Variants in ATP2A3 observed in about 807,000 individuals in gnomAD.
The protein encoded by ATP2A3 is ATPase sarcoplasmic/endoplasmic reticulum Ca2+ transporting 3.
In ATP2A3, 61 loss-of-function variants were observed where a neutral mutation model predicts 106.8. The ratio of observed to expected loss-of-function variants is 0.57; its 90% CI spans 0.46 to 0.71. The LOEUF is 0.71. Among genes scored for constraint, ATP2A3 ranks in the 30% least tolerant of loss-of-function variants. The pLI is 0.00. For synonymous variants in ATP2A3, 611 were observed against 609.3 expected, an observed-to-expected ratio of 1.00 and a Z score of -0.04; for missense variants, 1,201 against 1,423.5, an observed-to-expected ratio of 0.84 and a Z score of 2.52.
chr17:3,952,200 T>C (rs149577285), intron 3 of ATP2A3, among the ~76,000 whole-genome samples: 2,033 of 152,220 alleles, frequency 0.013, 51 homozygotes, highest in African/African-American at 0.047. Flanking sequence ...TTCTCATGCC[T>C]CAGCCTCCCG....
Position 3,930,592 on chromosome 17 carries a change from G to T in ATP2A3, c.2611-158C>A. On this transcript the variant is annotated intron_variant, in intron 17 of 20. Transcript: ENST00000397041. The surrounding 1 kb of genome is among the most constrained non-coding windows in gnomAD (Gnocchi z 5.4). ...GGCTGGGGATCCCGGGAGGGGTGCG[G>T]GGTCGGGGCGGCGGTGGGGAGAGCT... 9.5e-7 allele frequency: 1 copy of T among 1,052,058 alleles called. No homozygotes were observed. The highest frequency in any genetic ancestry group is 1.4e-6 in the Non-Finnish European group (1 of 717,962). The allele number at this position is 1,052,058 out of a possible 1,614,324, so 65.2% of individuals were successfully genotyped here. A position where few individuals can be genotyped will look rare whatever the true frequency, so the allele number is the denominator to read the frequency against.
chr17:3,944,943 G>T, intron 9 of ATP2A3, 117 bp downstream of exon 9: 1 of 1,266,454 alleles, frequency 7.9e-7, no homozygotes, highest in East Asian at 2.9e-5. Flanking sequence ...GCCCCGCCCC[G>T]GGAGAGGCTC....
rs150386916 is a variant in ATP2A3, at chr17:3,941,520, G to A, written c.1680C>T (p.Arg560=). 4.3e-3 allele frequency: 6,948 copies of A among 1,613,856 alleles called. 18 individuals are homozygous for A. The highest frequency in any genetic ancestry group is 5.4e-3 in the Non-Finnish European group (6,322 of 1,179,938). The change falls in exon 13 of 21, where the codon CGC becomes CGT. Residue 560 remains arginine, a synonymous_variant. Coordinates refer to ENST00000397041, the MANE Select transcript of ATP2A3 (RefSeq NM_005173.4). ...RDWGSGSDTL[R]CLALATRDAP... ...CGTCCCGGGTGGCCAGTGCCAGGCA[G>A]CGCAGCGTGTCTGAGCCTGAGCCCC...
At position 3,949,878 on chromosome 17, in the gene ATP2A3, T is replaced by G. The variant is rs112450347; in HGVS notation, c.630+633A>C. ...GACTTTAGCTGATTAACCTTAATGT[T>G]GGGCCAGGTGCAGTGGCTCATGCTT... On this transcript the variant is annotated intron_variant, in intron 7 of 20. Transcript: ENST00000397041. 3.5e-3 allele frequency among the ~76,000 whole-genome samples: 528 copies of G among 152,202 alleles called. 4 individuals are homozygous for G. Among genetic ancestry groups the G allele is most frequent in the African/African-American group, 0.012 (497 of 41,542 alleles).
intron 13 of ATP2A3, 36 bp downstream of exon 13, chr17:3,941,400 C>A (rs1272515573): frequency 6.2e-6 from 10 of 1,612,604 alleles, no homozygotes; most frequent in African/African-American, 1.3e-5. Flanking sequence ...CCTGCACCCA[C>A]CTCGTACTGC....
intron 9 of ATP2A3, 69 bp downstream of exon 9, chr17:3,944,991 C>T (rs893495685): frequency 7.4e-7 from 1 of 1,351,156 alleles, no homozygotes; most frequent in Non-Finnish European, 9.6e-7. Context: ...CCCACGGCCA[C>T]CTCGGCGCCG....
intron 12 of ATP2A3, among the ~76,000 whole-genome samples, chr17:3,942,069 A>G (rs537983136): frequency 6.6e-6 from 1 of 152,284 alleles, no homozygotes; most frequent in East Asian, 1.9e-4. Context: ...GACCAGAAAT[A>G]GAGCCATACA....
Position 3,950,116 on chromosome 17 carries a change from C to A in ATP2A3, c.630+395G>T, listed in dbSNP as rs541533116. ...GGCGGGGGTTGCAGTGACCCGAGAT[C>A]GTACCACTGCACTCCAGCATGGGCA... On this transcript the variant is annotated intron_variant, in intron 7 of 20. Coordinates refer to ENST00000397041, the MANE Select transcript of ATP2A3 (RefSeq NM_005173.4). 2.0e-5 allele frequency among the ~76,000 whole-genome samples: 3 copies of A among 149,728 alleles called. No individual in the cohort carries two copies. In the South Asian group the frequency reaches 6.5e-4, roughly 32 times the overall value.
Position 3,926,683 on chromosome 17 carries a change from C to T in ATP2A3, c.2981-1242G>A, listed in dbSNP as rs763337244. ...CTCCCAGGTTCAAGTGATTCTCCTGCCTCAGCCTCCCGAGTAGCTGGGATT... is the reference window on the plus strand; with the variant it reads ...CTCCCAGGTTCAAGTGATTCTCCTGTCTCAGCCTCCCGAGTAGCTGGGATT... On this transcript the variant is annotated intron_variant, in intron 20 of 20. Coordinates refer to ENST00000397041, the MANE Select transcript of ATP2A3 (RefSeq NM_005173.4). The surrounding 1 kb of genome is among the most constrained non-coding windows in gnomAD (Gnocchi z 4.6). The T allele has an allele frequency of 5.2e-6, 1 of 193,704 alleles. No homozygotes were observed. Among genetic ancestry groups the T allele is most frequent in the Non-Finnish European group, 9.4e-6 (1 of 106,042 alleles). The allele number at this position is 193,704 out of a possible 1,614,324, so 12.0% of individuals were successfully genotyped here. A position where few individuals can be genotyped will look rare whatever the true frequency, so the allele number is the denominator to read the frequency against.
chr17:3,942,059 G>A (rs569424588), intron 12 of ATP2A3, among the ~76,000 whole-genome samples: 1 of 152,248 alleles, frequency 6.6e-6, no homozygotes, highest in Admixed American at 6.5e-5. Flanking sequence ...CCTGCCTGGG[G>A]ACCAGAAATA....
Position 3,964,357 on chromosome 17 carries a change from A to G in ATP2A3, c.-66T>C. 1 of 945,214 alleles carries G rather than the reference A, an allele frequency of 1.1e-6. No individual in the cohort carries two copies. Among genetic ancestry groups the G allele is most frequent in the Non-Finnish European group, 1.3e-6 (1 of 765,882 alleles). 58.6% of individuals were successfully genotyped at this position (945,214 alleles called of 1,614,324 possible). Reference sequence around the variant, plus strand: ...CCGCCTCTCCGCCGGGGGGCTACAAAGCGGGGCGCGGGGGACTCGGGCCCG... The same window carrying G: ...CCGCCTCTCCGCCGGGGGGCTACAAGGCGGGGCGCGGGGGACTCGGGCCCG... On this transcript the variant is annotated 5_prime_UTR_variant, in exon 1 of 21. Transcript: ENST00000397041.
chr17:3,950,759 G>A lies in ATP2A3; in HGVS notation c.478C>T (p.Pro160Ser), dbSNP rs1023986162. The change falls in exon 6 of 21, where the codon CCT becomes TCT. Residue 160 changes from proline to serine, a missense_variant. Coordinates refer to ENST00000397041, the MANE Select transcript of ATP2A3 (RefSeq NM_005173.4). Reference protein sequence around the residue: ...IVEVAVGDKVPADLRLIEIKS... With the variant: ...IVEVAVGDKVSADLRLIEIKS... ...ATCTCGATGAGGCGGAGGTCAGCAG[G>A]CACTTTGTCCCCCACTGTGCGGGGA... The A allele has an allele frequency of 1.6e-5, 26 of 1,613,306 alleles. No homozygotes were observed. The highest frequency in any genetic ancestry group is 2.1e-5 in the Non-Finnish European group (25 of 1,179,986).
Position 3,945,132 on chromosome 17 carries a change from T to C in ATP2A3, c.1112A>G (p.Glu371Gly). 2 of 1,547,994 alleles carry C rather than the reference T, an allele frequency of 1.3e-6. No individual in the cohort carries two copies. The highest frequency in any genetic ancestry group is 1.7e-6 in the Non-Finnish European group (2 of 1,145,864). ...MSVCRMFVVA[E>G]ADAGSCLLHE... ...CAAAAGGCAGGAGCCCGCATCGGCC[T>C]CGGCTACCACGAACATCTGGGGAGC... The change falls in exon 9 of 21, where the codon GAG (glutamate) becomes GGG (glycine). Residue 371 changes from glutamate (E) to glycine (G), a missense_variant. By Grantham distance (98) the Glu-to-Gly change is moderately conservative. Transcript: ENST00000397041.
chr17:3,946,183 G>A (rs1408756691), intron 8 of ATP2A3, among the ~76,000 whole-genome samples: 2 of 151,376 alleles, frequency 1.3e-5, no homozygotes, highest in Admixed American at 1.3e-4. Context: ...AGAAGGCGGA[G>A]GTTGCAGCCA....
rs1160855889 is a variant in ATP2A3 at position 3,955,336 on chromosome 17, A to T, written c.119-1626T>A. On this transcript the variant is annotated intron_variant, in intron 1 of 20. Coordinates refer to ENST00000397041, the MANE Select transcript of ATP2A3 (RefSeq NM_005173.4). The surrounding 1 kb of genome is among the most constrained non-coding windows in gnomAD (Gnocchi z 4.2). Reference sequence around the variant, plus strand: ...GGAAGCTTTGGGGTCTGCACCTGGCAGCTGAACCCTGGGGAGTATCAAGCA... The same window carrying T: ...GGAAGCTTTGGGGTCTGCACCTGGCTGCTGAACCCTGGGGAGTATCAAGCA... Among the ~76,000 whole-genome samples the T allele has an allele frequency of 6.6e-6, 1 of 152,150 alleles. No homozygotes were observed. The highest frequency in any genetic ancestry group is 6.5e-5 in the Admixed American group (1 of 15,282).
At chr17:3,940,490 T>TG (rs2053698036) in intron 14 of ATP2A3, among the ~76,000 whole-genome samples, 1 of 152,202 alleles carries the variant, frequency 6.6e-6, no homozygotes, top group East Asian at 1.9e-4. Context: ...ATGTAGGTGT[T>TG]CAGAATAAAA....
intron 1 of ATP2A3, among the ~76,000 whole-genome samples, chr17:3,959,268 C>T (rs777450516): frequency 6.6e-6 from 1 of 152,104 alleles, no homozygotes; most frequent in Non-Finnish European, 1.5e-5. Flanking sequence ...TCATATAAAC[C>T]CCCTTTCCAG....
At chr17:3,948,647 G>A (rs1028957422) in intron 7 of ATP2A3, among the ~76,000 whole-genome samples, 2 of 152,134 alleles carry the variant, frequency 1.3e-5, no homozygotes, top group African/African-American at 4.8e-5. Flanking sequence ...TCAAACTCCT[G>A]AGCTCAAATG....
At position 3,933,293 on chromosome 17, in the gene ATP2A3, A is replaced by AAAT. The variant is rs1363502531; in HGVS notation, c.2610+1896_2610+1898dup. On this transcript the variant is annotated intron_variant, in intron 17 of 20. Transcript: ENST00000397041. ...GAGACTCTGTCTCAAATAAATAAAT[A>AAAT]AATAAATATGTTTCAATGGGTCTGT... Among the ~76,000 whole-genome samples, 5 of 150,864 alleles carry AAAT rather than the reference A, an allele frequency of 3.3e-5. No individual in the cohort carries two copies. The East Asian group carries it at 9.8e-4, about 30-fold the overall frequency.
Sources: gnomAD v4.1 joint callset for allele counts (sites outside exome capture counted in the v4.1 genomes callset) on GRCh38, gnomAD v4.1.1 for gene constraint, Gnocchi (gnomAD v3.1) non-coding constraint, MANE v1.5 for transcripts, NCBI Gene and HGNC (gene_info 2026-07-23, HGNC 2026-07-21) for gene names.